PRR16: variants seen among roughly 807,000 people sequenced by gnomAD.
PRR16 encodes protein Largen.
In PRR16, 6 loss-of-function variants were observed where a neutral mutation model predicts 18.2. The observed-to-expected ratio is 0.33, with a 90% confidence interval of 0.18 to 0.65. The LOEUF is 0.65. Among genes scored for constraint, PRR16 ranks in the 30% least tolerant of loss-of-function variants. The probability of loss-of-function intolerance (pLI) is 0.74; values close to 1 mark genes in which losing one functional copy is unlikely to be tolerated. For missense variants in PRR16, 412 were observed against 376.6 expected (o/e 1.09, Z -0.78); for synonymous variants, 151 against 147.8 (o/e 1.02, Z -0.16).
At chr5:120,707,687 A>G in the PRR16 span, among the ~76,000 whole-genome samples, 1 of 152,190 alleles carries the variant, frequency 6.6e-6, no homozygotes, top group Non-Finnish European at 1.5e-5. Flanking sequence ...TCTTTAAATG[A>G]AAATTTGGGT....
Position 120,618,773 on chromosome 5 carries a change from A to G in PRR16, c.160-67181A>G, listed in dbSNP as rs571782161. ...CCTTTCCTTTTTTTTTTAATCAATT[A>G]TGTGAATTCACCTCGAAGCTATACA... On this transcript the variant is annotated intron_variant, in intron 1 of 1. Coordinates refer to ENST00000407149, the MANE Select transcript of PRR16 (RefSeq NM_001300783.2). Among the ~76,000 whole-genome samples, 5 of 151,510 alleles carry G rather than the reference A, an allele frequency of 3.3e-5. No homozygotes were observed. In the South Asian group the frequency reaches 1.0e-3, roughly 32 times the overall value.
the PRR16 span, among the ~76,000 whole-genome samples, chr5:120,716,065 A>G: frequency 6.6e-6 from 1 of 152,198 alleles, no homozygotes; most frequent in Admixed American, 6.5e-5. Context: ...CAACAACAAC[A>G]AATCAGGAGA....
At chr5:120,755,555 TATG>T in the PRR16 span, among the ~76,000 whole-genome samples, 1 of 152,066 alleles carries the variant, frequency 6.6e-6, no homozygotes, top group African/African-American at 2.4e-5. Flanking sequence ...CTGCAAATAA[TATG>T]ATTTCATCCA....
chr5:120,743,804 C>T, the PRR16 span, among the ~76,000 whole-genome samples: 5 of 152,064 alleles, frequency 3.3e-5, no homozygotes, highest in African/African-American at 1.2e-4. Context: ...CTTTCATACT[C>T]ATAGTCTTCT....
intron 1 of PRR16, among the ~76,000 whole-genome samples, chr5:120,483,657 T>C (rs1749695036): frequency 6.6e-6 from 1 of 152,144 alleles, no homozygotes; most frequent in African/African-American, 2.4e-5. Context: ...CAGAAGAAAC[T>C]AATTTTTAAT....
chr5:120,591,534 T>G (rs541633479), intron 1 of PRR16, among the ~76,000 whole-genome samples: 1 of 152,020 alleles, frequency 6.6e-6, no homozygotes, highest in East Asian at 1.9e-4. Context: ...ACATTATAAA[T>G]TATACATTAT....
At chr5:120,472,860 A>G (rs1436478233) in intron 1 of PRR16, among the ~76,000 whole-genome samples, 1 of 152,166 alleles carries the variant, frequency 6.6e-6, no homozygotes, top group Non-Finnish European at 1.5e-5. Flanking sequence ...TAACTCTTTC[A>G]TTTTGTCGTT....
intron 1 of PRR16, among the ~76,000 whole-genome samples, chr5:120,653,783 T>A: frequency 6.6e-6 from 1 of 152,052 alleles, no homozygotes; most frequent in East Asian, 1.9e-4. Flanking sequence ...TCTTGTGCCA[T>A]ACACCTCATG....
chr5:120,655,390 A>ATTT (rs1755933333), intron 1 of PRR16, among the ~76,000 whole-genome samples: 1 of 149,214 alleles, frequency 6.7e-6, no homozygotes, highest in South Asian at 2.1e-4. Context: ...TTTTTTTTTA[A>ATTT]AAAAAAAGAG....
intron 1 of PRR16, among the ~76,000 whole-genome samples, chr5:120,617,706 A>C (rs1003809530): frequency 6.6e-6 from 1 of 152,152 alleles, no homozygotes; most frequent in Non-Finnish European, 1.5e-5. Context: ...AAGATATGAT[A>C]ATTTAAATTC....
chr5:120,670,359 G>C (rs1756556545), intron 1 of PRR16, among the ~76,000 whole-genome samples: 1 of 151,958 alleles, frequency 6.6e-6, no homozygotes, highest in Non-Finnish European at 1.5e-5. Flanking sequence ...TTTGGCAACA[G>C]AATGAGAGCT....
At chr5:120,508,636 G>A (rs1332284409) in intron 1 of PRR16, among the ~76,000 whole-genome samples, 1 of 152,082 alleles carries the variant, frequency 6.6e-6, no homozygotes, top group Non-Finnish European at 1.5e-5. Context: ...ATCTTCTCCA[G>A]TATATCCAGA....
chr5:120,543,601 A>G (rs1032002568), intron 1 of PRR16, among the ~76,000 whole-genome samples: 3 of 152,200 alleles, frequency 2.0e-5, no homozygotes, highest in African/African-American at 7.2e-5. Flanking sequence ...ACAAAATATG[A>G]TGTCGGAAAG....
intron 1 of PRR16, among the ~76,000 whole-genome samples, chr5:120,476,285 G>A (rs1193251423): frequency 3.3e-5 from 5 of 152,058 alleles, no homozygotes; most frequent in Non-Finnish European, 7.4e-5. Context: ...ATTTGGCCTT[G>A]TCTCTGTCTT....
At chr5:120,470,173 A>T (rs978667986) in intron 1 of PRR16, among the ~76,000 whole-genome samples, 3 of 152,152 alleles carry the variant, frequency 2.0e-5, no homozygotes, top group African/African-American at 7.2e-5. Context: ...AATTTTAGAG[A>T]TTTAGAGTAA....
intron 1 of PRR16, among the ~76,000 whole-genome samples, chr5:120,502,805 A>G (rs115986089): frequency 3.1e-3 from 471 of 152,326 alleles, no homozygotes; most frequent in African/African-American, 0.011. Flanking sequence ...CATAACTCCA[A>G]CAAACTATGG....
Position 120,657,071 on chromosome 5 carries a change from T to C in PRR16, c.160-28883T>C, listed in dbSNP as rs1756004612. On this transcript the variant is annotated intron_variant, in intron 1 of 1. Coordinates refer to ENST00000407149, the MANE Select transcript of PRR16 (RefSeq NM_001300783.2). ...ATTGCACCTCAGTTATTTTTATATA[T>C]GGAAAAATCATCACAAAATCAAACT... is the stretch of plus-strand genomic sequence containing the variant. 4.6e-5 allele frequency among the ~76,000 whole-genome samples: 7 copies of C among 151,998 alleles called. No individual in the cohort carries two copies. In the South Asian group the frequency reaches 1.4e-3, roughly 31 times the overall value.
chr5:120,527,808 C>T (rs1751420312), intron 1 of PRR16, among the ~76,000 whole-genome samples: 1 of 152,152 alleles, frequency 6.6e-6, no homozygotes, highest in Non-Finnish European at 1.5e-5. Context: ...GGAGAGAATA[C>T]ATCAAAGGCA....
At chr5:120,778,807 AAAG>A in the PRR16 span, among the ~76,000 whole-genome samples, 3 of 152,178 alleles carry the variant, frequency 2.0e-5, no homozygotes, top group African/African-American at 4.8e-5. Flanking sequence ...CCAGAGGAAA[AAAG>A]AAGTGGGGTT....
Sources: gnomAD v4.1 joint callset for allele counts (sites outside exome capture counted in the v4.1 genomes callset) on GRCh38, gnomAD v4.1.1 for gene constraint, MANE v1.5 for transcripts, NCBI Gene and HGNC (gene_info 2026-07-23, HGNC 2026-07-21) for gene names.